Variants in MAP1A observed in about 807,000 individuals in gnomAD.
The protein encoded by MAP1A is microtubule-associated protein 1A.
MAP1A carries 42 observed loss-of-function variants against 185.9 expected under a neutral mutation model. That is an observed-to-expected ratio of 0.23 (90% CI 0.18 to 0.29). The LOEUF is 0.29. Among genes scored for constraint, MAP1A ranks in the 10% least tolerant of loss-of-function variants. The pLI, the probability that MAP1A is intolerant of heterozygous loss-of-function variation, is 1.00. For missense variants in MAP1A, 2,995 were observed against 3,450.4 expected (o/e 0.87, Z 3.31); for synonymous variants, 1,229 against 1,335.9 (o/e 0.92, Z 1.74).
chr15:43,522,478 C>A lies in MAP1A; in HGVS notation c.1005C>A (p.Ala335=). 1 of 1,613,918 alleles carries A rather than the reference C, an allele frequency of 6.2e-7. No individual in the cohort carries two copies. The highest frequency in any genetic ancestry group is 8.5e-7 in the Non-Finnish European group (1 of 1,179,980). ...ATTKTAVSKL[A]KREEVVEEGA... ...CCAAGACGGCCGTGAGCAAGTTGGC[C>A]AAACGGGAGGAGGTGGTAGAAGAGG... is the stretch of plus-strand genomic sequence containing the variant. The change falls in exon 4 of 6, where the codon GCC becomes GCA. Residue 335 remains alanine (A), a synonymous_variant. Coordinates refer to ENST00000300231, the MANE Select transcript of MAP1A (RefSeq NM_002373.6). This position sits in a 1 kb window ranked among gnomAD's most constrained non-coding sequence, Gnocchi z 5.9.
chr15:43,523,996 T>C lies in MAP1A; in HGVS notation c.2523T>C (p.Phe841=). Residue 841 remains phenylalanine, a synonymous_variant, in exon 4 of 6, where the codon TTT becomes TTC. Transcript: ENST00000300231. ...SITECDKLSS[F]ATSVAEDQSV... Reference sequence around the variant, plus strand: ...CTGAGTGTGACAAACTTTCTTCCTTTGCCACATCAGTGGCTGAGGACCAAT... The same window carrying C: ...CTGAGTGTGACAAACTTTCTTCCTTCGCCACATCAGTGGCTGAGGACCAAT... The C allele has an allele frequency of 6.2e-7, 1 of 1,614,118 alleles. No individual in the cohort carries two copies. Among genetic ancestry groups the C allele is most frequent in the Middle Eastern group, 1.6e-4 (1 of 6,062 alleles).
intron 1 of MAP1A, 29 bp downstream of exon 1, chr15:43,517,729 G>T: frequency 1.2e-6 from 1 of 853,346 alleles, no homozygotes; most frequent in Non-Finnish European, 1.4e-6. Context: ...GGCTTGGCAT[G>T]TGGGGGTACA....
Position 43,527,377 on chromosome 15 carries a change from A to G in MAP1A, c.5904A>G (p.Ala1968=). The G allele has an allele frequency of 6.2e-7, 1 of 1,614,208 alleles. No individual in the cohort carries two copies. The highest frequency in any genetic ancestry group is 8.5e-7 in the Non-Finnish European group (1 of 1,180,022). ...PYPDERSFQY[A]DIYEQMMLTG... Reference sequence around the variant, plus strand: ...CTGATGAGAGAAGCTTTCAGTATGCAGACATCTATGAGCAGATGATGCTTA... The same window carrying G: ...CTGATGAGAGAAGCTTTCAGTATGCGGACATCTATGAGCAGATGATGCTTA... Residue 1968 remains alanine, a synonymous_variant, in exon 4 of 6, where the codon GCA becomes GCG. Transcript: ENST00000300231.
In MAP1A at chr15:43,528,941, G is replaced by T. The variant is rs2079359203; in HGVS notation, c.7468G>T (p.Gly2490Cys). ...RRVGGPGTTG[G>C]PCPVTDETPP... ...GGTAGGGGGGCCAGGGACCACTGGGGGCCCATGCCCTGTGACTGATGAGAC... is the reference window on the plus strand; with the variant it reads ...GGTAGGGGGGCCAGGGACCACTGGGTGCCCATGCCCTGTGACTGATGAGAC... The change falls in exon 4 of 6, where the codon GGC becomes TGC. Residue 2490 changes from glycine to cysteine, a missense_variant. By Grantham distance (159) the Gly-to-Cys change is radical. This residue lies in a region of MAP1A where 2,728 missense variants were observed against 2,986.0 expected (regional missense o/e 0.91). Coordinates refer to ENST00000300231, the MANE Select transcript of MAP1A (RefSeq NM_002373.6). The T allele has an allele frequency of 1.2e-6, 2 of 1,612,974 alleles. No homozygotes were observed. The highest frequency in any genetic ancestry group is 1.7e-6 in the Non-Finnish European group (2 of 1,179,984).
Position 43,530,257 on chromosome 15 carries a change from C to A in MAP1A, c.*33C>A. 2 of 1,611,288 alleles carry A rather than the reference C, an allele frequency of 1.2e-6. No homozygotes were observed. Among genetic ancestry groups the A allele is most frequent in the South Asian group, 1.1e-5 (1 of 90,612 alleles). ...GCCCTCCCTTCCCCAAGGATCCACT[C>A]CCCCAGCTCCTTTAGAGAATGGCTA... On this transcript the variant is annotated 3_prime_UTR_variant, in exon 6 of 6. Coordinates refer to ENST00000300231, the MANE Select transcript of MAP1A (RefSeq NM_002373.6).
exon 2 of MAP1A, chr15:43,512,197 C>G: frequency 6.5e-7 from 1 of 1,542,872 alleles, no homozygotes; most frequent in Non-Finnish European, 8.8e-7. Context: ...CAGGGATTCT[C>G]TCCTGGAACA....
In MAP1A at chr15:43,522,448, C is replaced by T. The variant is rs1397134503; in HGVS notation, c.975C>T (p.Ala325=). The T allele has an allele frequency of 1.2e-6, 2 of 1,613,968 alleles. No individual in the cohort carries two copies. The highest frequency in any genetic ancestry group is 1.7e-6 in the Non-Finnish European group (2 of 1,180,022). Residue 325 remains alanine (A), a synonymous_variant, in exon 4 of 6, where the codon GCC becomes GCT. Transcript: ENST00000300231. This position sits in a 1 kb window ranked among gnomAD's most constrained non-coding sequence, Gnocchi z 5.9. The part of the protein sequence containing the change: ...QRADSKESLK[A]TTKTAVSKLA... ...CTGATAGCAAGGAGAGCCTCAAAGCCACTACCAAGACGGCCGTGAGCAAGT... is the reference window on the plus strand; with the variant it reads ...CTGATAGCAAGGAGAGCCTCAAAGCTACTACCAAGACGGCCGTGAGCAAGT...
rs1379359010 is a variant in MAP1A, at chr15:43,527,706, A to G, written c.6233A>G (p.Asn2078Ser). 6.3e-7 allele frequency: 1 copy of G among 1,580,656 alleles called. No individual in the cohort carries two copies. The highest frequency in any genetic ancestry group is 2.4e-5 in the East Asian group (1 of 40,876). The change falls in exon 4 of 6, where the codon AAT becomes AGT. Residue 2078 changes from asparagine (N) to serine (S), a missense_variant. This residue lies in a region of MAP1A where 2,728 missense variants were observed against 2,986.0 expected (regional missense o/e 0.91). Coordinates refer to ENST00000300231, the MANE Select transcript of MAP1A (RefSeq NM_002373.6). ...ILSKGPSPPL[N>S]GNILSCSPDR... ...AGCAAAGGCCCAAGCCCCCCTCTTA[A>G]TGGTAACATCCTGAGCTGCAGCCCA...
intron 1 of MAP1A, among the ~76,000 whole-genome samples, chr15:43,518,555 G>A (rs1251642437): frequency 6.6e-6 from 1 of 151,852 alleles, no homozygotes; most frequent in African/African-American, 2.4e-5. Flanking sequence ...TTGTCATGCT[G>A]GGGTGGGGGG....
chr15:43,516,535 T>C (rs975985384), upstream of MAP1A, among the ~76,000 whole-genome samples: 2 of 152,126 alleles, frequency 1.3e-5, no homozygotes, highest in Non-Finnish European at 2.9e-5. Context: ...GGAAGGACTA[T>C]GTAAGAGCAT....
rs763960212 is a variant in MAP1A, at chr15:43,525,632, A to G, written c.4159A>G (p.Ile1387Val). 6.2e-7 allele frequency: 1 copy of G among 1,614,252 alleles called. No homozygotes were observed. Among genetic ancestry groups the G allele is most frequent in the Non-Finnish European group, 8.5e-7 (1 of 1,180,036 alleles). The change falls in exon 4 of 6, where the codon ATC (isoleucine) becomes GTC (valine). Residue 1387 changes from isoleucine to valine, a missense_variant. By Grantham distance (29) the Ile-to-Val change is conservative (BLOSUM62 3). Coordinates refer to ENST00000300231, the MANE Select transcript of MAP1A (RefSeq NM_002373.6). ...GGTGGTAGAGCCGAAGGATACAGCC[A>G]TCTATCAGAAAGATGAGGCTCTGCA... ...KEVVEPKDTA[I>V]YQKDEALHVK...
chr15:43,530,440 G>C lies in MAP1A; in HGVS notation c.*216G>C, dbSNP rs565966659. The stretch of plus-strand genomic sequence containing the variant: ...AAACCAAAGTTAACAGGGAGAGGAT[G>C]GGGGAGGGGACAAATTAGAATAGGA... On this transcript the variant is annotated 3_prime_UTR_variant, in exon 6 of 6. Coordinates refer to ENST00000300231, the MANE Select transcript of MAP1A (RefSeq NM_002373.6). 1.7e-6 allele frequency: 1 copy of C among 588,696 alleles called. No homozygotes were observed. The allele number at this position is 588,696 out of a possible 1,614,324, so 36.5% of individuals were successfully genotyped here. A position where few individuals can be genotyped will look rare whatever the true frequency, so the allele number is the denominator to read the frequency against.
At chr15:43,511,023 G>A (rs1454934389) in exon 1 of MAP1A, 1 of 1,547,580 alleles carries the variant, frequency 6.5e-7, no homozygotes, top group African/African-American at 1.4e-5. Context: ...CGGCCTCACG[G>A]CGTTGCCATG....
At position 43,528,727 on chromosome 15, in the gene MAP1A, C is replaced by A. The variant is rs1180166623; in HGVS notation, c.7254C>A (p.Gly2418=). Residue 2418 remains glycine (G), a synonymous_variant, in exon 4 of 6, where the codon GGC becomes GGA. Coordinates refer to ENST00000300231, the MANE Select transcript of MAP1A (RefSeq NM_002373.6). ...AGCAGCCAGTGTGTCCTGCAGGGGG[C>A]TCCGGGGGCCCACCCAGCAGTGCCT... ...SPEQPVCPAG[G]SGGPPSSASP... The A allele has an allele frequency of 1.2e-6, 2 of 1,613,036 alleles. No individual in the cohort carries two copies. The highest frequency in any genetic ancestry group is 2.2e-5 in the East Asian group (1 of 44,862).
At position 43,523,956 on chromosome 15, in the gene MAP1A, C is replaced by T. The variant is rs754593152; in HGVS notation, c.2483C>T (p.Ser828Leu). ...APLAEEEHVS[S>L]ATSITECDKL... ...TTGGCTGAAGAGGAACATGTGTCCT[C>T]GGCCACTTCAATCACTGAGTGTGAC... The change falls in exon 4 of 6, where the codon TCG becomes TTG. Residue 828 changes from serine to leucine, a missense_variant. By Grantham distance (145) the Ser-to-Leu change is moderately radical (BLOSUM62 -2). This residue lies in a region of MAP1A where 2,728 missense variants were observed against 2,986.0 expected (regional missense o/e 0.91). Coordinates refer to ENST00000300231, the MANE Select transcript of MAP1A (RefSeq NM_002373.6). The T allele has an allele frequency of 1.9e-6, 3 of 1,614,124 alleles. No homozygotes were observed. Among genetic ancestry groups the T allele is most frequent in the East Asian group, 2.2e-5 (1 of 44,894 alleles).
chr15:43,524,559 C>T lies in MAP1A; in HGVS notation c.3086C>T (p.Ser1029Phe), dbSNP rs769730732. The change falls in exon 4 of 6, where the codon TCC (serine) becomes TTC (phenylalanine). Residue 1029 changes from serine (S) to phenylalanine (F), a missense_variant. This residue lies in a region of MAP1A where 2,728 missense variants were observed against 2,986.0 expected (regional missense o/e 0.91). Transcript: ENST00000300231. The part of the protein sequence containing the change: ...SEPQDFQEAD[S>F]WGDTKRTPGV... The stretch of plus-strand genomic sequence containing the variant: ...CCCCAAGACTTTCAGGAGGCAGACT[C>T]CTGGGGAGACACTAAGCGCACACCA... 37 of 1,614,130 alleles carry T rather than the reference C, an allele frequency of 2.3e-5. No homozygotes were observed. The East Asian group carries it at 4.2e-4, about 18-fold the overall frequency.
rs770683492 is a variant in MAP1A at position 43,526,021 on chromosome 15, T to C, written c.4548T>C (p.Ala1516=). 6.2e-7 allele frequency: 1 copy of C among 1,613,362 alleles called. No homozygotes were observed. ...ATAAGGCTCCGGAGGACACGGTCGC[T>C]GAAATGAAGGACAGAGACCTAGAAC... The part of the protein sequence containing the change: ...VEHKAPEDTV[A]EMKDRDLEQT... Residue 1516 remains alanine, a synonymous_variant, in exon 4 of 6, where the codon GCT becomes GCC. Transcript: ENST00000300231. This position sits in a 1 kb window ranked among gnomAD's most constrained non-coding sequence, Gnocchi z 4.7.
In MAP1A at chr15:43,525,907, G is replaced by A. The variant is rs754114899; in HGVS notation, c.4434G>A (p.Leu1478=). Residue 1478 remains leucine, a synonymous_variant, in exon 4 of 6, where the codon TTG becomes TTA. Transcript: ENST00000300231. ...DKALEPKDKD[L]EQKDRVLEQK... ...CCCTGGAACCAAAAGATAAAGACTT[G>A]GAACAAAAGGACAGGGTCCTAGAAC... is the stretch of plus-strand genomic sequence containing the variant. 2 of 1,613,184 alleles carry A rather than the reference G, an allele frequency of 1.2e-6. No individual in the cohort carries two copies. Among genetic ancestry groups the A allele is most frequent in the African/African-American group, 1.3e-5 (1 of 74,800 alleles).
Position 43,524,399 on chromosome 15 carries a change from G to A in MAP1A, c.2926G>A (p.Ala976Thr). 3.1e-6 allele frequency: 5 copies of A among 1,614,202 alleles called. No homozygotes were observed. The highest frequency in any genetic ancestry group is 3.4e-6 in the Non-Finnish European group (4 of 1,180,024). Residue 976 changes from alanine to threonine, a missense_variant, in exon 4 of 6, where the codon GCC (alanine) becomes ACC (threonine). By Grantham distance (58) the Ala-to-Thr change is moderately conservative (BLOSUM62 0). This residue lies in a region of MAP1A where 2,728 missense variants were observed against 2,986.0 expected (regional missense o/e 0.91). Transcript: ENST00000300231. ...GCATGCCCTACATCCAGGAGAACCA[G>A]CCCTTGGAGAAGCAGAGGAGCGGTG... is the stretch of plus-strand genomic sequence containing the variant. ...PGHALHPGEP[A>T]LGEAEERCLS...
Sources: allele counts gnomAD v4.1 joint callset (sites outside exome capture counted in the v4.1 genomes callset), GRCh38; gene constraint gnomAD v4.1.1; regional missense constraint gnomAD v4.1.1; non-coding constraint Gnocchi (gnomAD v3.1); transcripts MANE v1.5; gene names NCBI Gene and HGNC (gene_info 2026-07-23, HGNC 2026-07-21).